BRPF3: variants seen among roughly 807,000 people sequenced by gnomAD.
BRPF3 encodes the protein bromodomain and PHD finger-containing protein 3.
Under a neutral mutation model 102.0 loss-of-function variants are expected in BRPF3, and 18 were observed. That is an observed-to-expected ratio of 0.18 (90% CI 0.12 to 0.26). The LOEUF is 0.26. BRPF3 is among the 10% of genes least tolerant of loss of function. BRPF3 has a pLI of 1.00. For missense variants in BRPF3, 1,147 were observed against 1,567.8 expected, an observed-to-expected ratio of 0.73 and a Z score of 4.53; for synonymous variants, 570 against 614.2, an observed-to-expected ratio of 0.93 and a Z score of 1.06.
rs534635700 is a variant in BRPF3, at chr6:36,207,107, T to C, written c.1606-206T>C. The stretch of plus-strand genomic sequence containing the variant: ...TCCCAGATCCTACTCCAGCAAAGGT[T>C]ATTGCTTTATAATGAAGAAACAGTG... On this transcript the variant is annotated intron_variant, in intron 3 of 12. Transcript: ENST00000357641. Among the ~76,000 whole-genome samples, 9 of 152,162 alleles carry C rather than the reference T, an allele frequency of 5.9e-5. No individual in the cohort carries two copies. In the East Asian group the frequency reaches 1.5e-3, roughly 26 times the overall value.
At chr6:36,214,683 A>G (rs527412670) in intron 8 of BRPF3, among the ~76,000 whole-genome samples, 41 of 152,334 alleles carry the variant, frequency 2.7e-4, no homozygotes, top group Non-Finnish European at 5.3e-4. Context: ...TCATTCATCA[A>G]ATATTTGTGT....
chr6:36,222,294 G>T, intron 10 of BRPF3, 29 bp downstream of exon 10: 1 of 1,543,640 alleles, frequency 6.5e-7, no homozygotes, highest in Non-Finnish European at 8.8e-7. Flanking sequence ...GCAGAACTGA[G>T]GGGGCCAGGC....
At chr6:36,217,788 C>A in intron 8 of BRPF3, 129 bp from the exon 9 acceptor site, 1 of 662,456 alleles carries the variant, frequency 1.5e-6, no homozygotes. Flanking sequence ...AGACCCATTT[C>A]TCACAGGGAA....
intron 1 of BRPF3, among the ~76,000 whole-genome samples, chr6:36,198,239 CT>C (rs1258074183): frequency 6.6e-6 from 1 of 152,150 alleles, no homozygotes; most frequent in African/African-American, 2.4e-5. Context: ...TTCAGTCACA[CT>C]TTGGGATTGG....
At chr6:36,204,602 T>C (rs1299177876) in intron 2 of BRPF3, 56 bp from the exon 3 acceptor site, 1 of 1,602,368 alleles carries the variant, frequency 6.2e-7, no homozygotes, top group Non-Finnish European at 8.6e-7. Context: ...ATGCACAGGC[T>C]GTAATCTGGG....
intron 7 of BRPF3, among the ~76,000 whole-genome samples, chr6:36,212,749 C>T (rs1204284792): frequency 2.0e-5 from 3 of 150,934 alleles, no homozygotes; most frequent in African/African-American, 4.9e-5. Context: ...GTCAGGAGAT[C>T]GAGACCATCC....
At position 36,229,064 on chromosome 6, in the gene BRPF3, G is replaced by T. The variant is rs924878787; in HGVS notation, c.3434+8G>T. Reference sequence around the variant, plus strand: ...TGACAACAAGCGCACCTGGTTAGTGGGTGCTGCTGTGAGGGGGCTGAGGGG... The same window carrying T: ...TGACAACAAGCGCACCTGGTTAGTGTGTGCTGCTGTGAGGGGGCTGAGGGG... On this transcript the variant is annotated splice_region_variant and intron_variant, in intron 12 of 12. Coordinates refer to ENST00000357641, the MANE Select transcript of BRPF3 (RefSeq NM_015695.3). 1 of 1,613,400 alleles carries T rather than the reference G, an allele frequency of 6.2e-7. No homozygotes were observed. Among genetic ancestry groups the T allele is most frequent in the Non-Finnish European group, 8.5e-7 (1 of 1,179,796 alleles).
rs1177088241 is a variant in BRPF3 at position 36,200,651 on chromosome 6, C to T, written c.329C>T (p.Thr110Ile). The T allele has an allele frequency of 3.1e-6, 5 of 1,614,108 alleles. No homozygotes were observed. Among genetic ancestry groups the T allele is most frequent in the Middle Eastern group, 1.6e-4 (1 of 6,084 alleles). The change falls in exon 2 of 13, where the codon ACT becomes ATT. Residue 110 changes from threonine (T) to isoleucine (I), a missense_variant. Coordinates refer to ENST00000357641, the MANE Select transcript of BRPF3 (RefSeq NM_015695.3). This position sits in a 1 kb window ranked among gnomAD's most constrained non-coding sequence, Gnocchi z 5.3. ...KESCSKHASGTSFHLPQPSFR... is the reference protein window; with the variant it reads ...KESCSKHASGISFHLPQPSFR... ...TCCTGCTCCAAGCATGCATCTGGTA[C>T]TTCCTTCCACCTCCCACAGCCCAGC...
In BRPF3 at chr6:36,216,458, A is replaced by G. The variant is rs538379141; in HGVS notation, c.2990-1459A>G. ...TTGCCTGGCACTCAGGGATACTTCT[A>G]TACAACCTTAGTTGAATCTCACAAA... On this transcript the variant is annotated intron_variant, in intron 8 of 12. Coordinates refer to ENST00000357641, the MANE Select transcript of BRPF3 (RefSeq NM_015695.3). Among the ~76,000 whole-genome samples, 113 of 152,348 alleles carry G rather than the reference A, an allele frequency of 7.4e-4. 1 individual carries two copies. The highest frequency in any genetic ancestry group is 2.5e-3 in the African/African-American group (105 of 41,572).
intron 1 of BRPF3, 133 bp downstream of exon 1, chr6:36,197,103 C>G (rs951682374): frequency 6.6e-6 from 1 of 152,026 alleles, no homozygotes; most frequent in Non-Finnish European, 1.5e-5. Context: ...TGCGAAAGCT[C>G]TCTCCTGGAG....
chr6:36,203,465 A>C (rs965132677), intron 2 of BRPF3, among the ~76,000 whole-genome samples: 4 of 152,280 alleles, frequency 2.6e-5, no homozygotes, highest in African/African-American at 9.6e-5. Flanking sequence ...CTCCATGGCC[A>C]AGAGGTAGAG....
chr6:36,222,367 C>T (rs1768579632), intron 10 of BRPF3, 102 bp downstream of exon 10: 4 of 1,084,724 alleles, frequency 3.7e-6, no homozygotes, highest in Non-Finnish European at 4.1e-6. Context: ...GCAGCCAGTC[C>T]TTGAGCTCCC....
chr6:36,224,444 C>G (rs1276513579), intron 10 of BRPF3, among the ~76,000 whole-genome samples: 2 of 152,164 alleles, frequency 1.3e-5, no homozygotes, highest in Non-Finnish European at 1.5e-5. Context: ...GGATGCAGTG[C>G]CTGCTCCAGG....
chr6:36,206,263 C>T (rs1387665716), intron 3 of BRPF3, among the ~76,000 whole-genome samples: 1 of 152,218 alleles, frequency 6.6e-6, no homozygotes, highest in African/African-American at 2.4e-5. Context: ...CTGCCTACAT[C>T]TGGGCAGGTG....
In BRPF3 at chr6:36,200,065, G is replaced by T. The variant is rs1056314626; in HGVS notation, c.-26-232G>T. ...AGGTAGATTGCTGGTGGAGGAAAAG[G>T]ATTTGCAATTTTAGATAAAGTGGTC... is the stretch of plus-strand genomic sequence containing the variant. On this transcript the variant is annotated intron_variant, in intron 1 of 12. Transcript: ENST00000357641. The surrounding 1 kb of genome is among the most constrained non-coding windows in gnomAD (Gnocchi z 5.3). Among the ~76,000 whole-genome samples the T allele has an allele frequency of 6.6e-6, 1 of 152,222 alleles. No homozygotes were observed. Among genetic ancestry groups the T allele is most frequent in the Non-Finnish European group, 1.5e-5 (1 of 68,036 alleles).
intron 10 of BRPF3, among the ~76,000 whole-genome samples, chr6:36,223,453 A>C (rs991203081): frequency 6.6e-6 from 1 of 152,154 alleles, no homozygotes; most frequent in African/African-American, 2.4e-5. Flanking sequence ...TTAAAACCAC[A>C]TGCTTACTAA....
chr6:36,205,805 T>C (rs1470114478), intron 3 of BRPF3, among the ~76,000 whole-genome samples: 1 of 152,238 alleles, frequency 6.6e-6, no homozygotes, highest in Non-Finnish European at 1.5e-5. Context: ...ATAACTGTAA[T>C]AGCAGCTCCA....
chr6:36,222,234 T>A lies in BRPF3; in HGVS notation c.3150T>A (p.Gly1050=), dbSNP rs758851001. Residue 1050 remains glycine, a synonymous_variant, in exon 10 of 13, where the codon GGT becomes GGA. Transcript: ENST00000357641. ...TGTCTCGAGTGCCCTTCCTGGAAGG[T>A]GTGAACGGAGACTCTGACTACAATG... is the stretch of plus-strand genomic sequence containing the variant. The part of the protein sequence containing the change: ...PALSRVPFLE[G]VNGDSDYNGS... 1.3e-6 allele frequency: 2 copies of A among 1,549,926 alleles called. No homozygotes were observed. The highest frequency in any genetic ancestry group is 2.4e-5 in the South Asian group (2 of 83,982).
chr6:36,196,775 TC>T lies in BRPF3; in HGVS notation c.-217del. On this transcript the variant is annotated 5_prime_UTR_variant, in exon 1 of 13. Coordinates refer to ENST00000357641, the MANE Select transcript of BRPF3 (RefSeq NM_015695.3). The stretch of plus-strand genomic sequence containing the variant: ...GCAGCGGCAGCAGCGGCGGCTCCAT[TC>T]CCCCTCCTCCCCCGGGAGCGGCGGC... 6.6e-6 allele frequency: 1 copy of T among 151,410 alleles called. No individual in the cohort carries two copies. The highest frequency in any genetic ancestry group is 1.5e-5 in the Non-Finnish European group (1 of 68,750). The allele number at this position is 151,410 out of a possible 1,614,324, so 9.4% of individuals were successfully genotyped here.
Sources: allele counts gnomAD v4.1 joint callset (sites outside exome capture counted in the v4.1 genomes callset), GRCh38; gene constraint gnomAD v4.1.1; non-coding constraint Gnocchi (gnomAD v3.1); transcripts MANE v1.5; gene names NCBI Gene and HGNC (gene_info 2026-07-23, HGNC 2026-07-21).